The following ATG16L1 variants were observed in gnomAD, a reference collection of about 807,000 sequenced individuals.
ATG16L1 encodes autophagy related 16 like 1, also known as autophagy-related protein 16-1.
Under a neutral mutation model 88.5 loss-of-function variants are expected in ATG16L1, and 37 were observed. The observed-to-expected ratio is 0.42, with a 90% CI of 0.32 to 0.55. ATG16L1 has a LOEUF of 0.55. ATG16L1 is among the 20% of genes least tolerant of loss of function. ATG16L1 has a pLI of 0.13. For synonymous variants in ATG16L1, 301 were observed against 281.0 expected (o/e 1.07, Z -0.71); for missense variants, 554 against 752.8 (o/e 0.74, Z 3.09).
chr2:233,265,247 C>T, intron 5 of ATG16L1, 104 bp downstream of exon 5: 1 of 1,412,692 alleles, frequency 7.1e-7, no homozygotes, highest in Non-Finnish European at 9.6e-7. Context: ...GGAGGTTTAC[C>T]AGGGAATTCT....
intron 12 of ATG16L1, among the ~76,000 whole-genome samples, chr2:233,284,446 C>G (rs1045788596): frequency 6.6e-6 from 1 of 152,228 alleles, no homozygotes; most frequent in African/African-American, 2.4e-5. Flanking sequence ...AGTCTCCTGC[C>G]TCAGCCTCCT....
rs1199120233 is a variant in ATG16L1 at position 233,251,698 on chromosome 2, C to G, written c.-130C>G. ...AGACCGTCCCGGATGGCCTCGGGGA[C>G]TGCCAGTGTGTGGAGGTGAGCTCCG... is the stretch of plus-strand genomic sequence containing the variant. On this transcript the variant is annotated 5_prime_UTR_variant, in exon 1 of 18. Transcript: ENST00000392017. 4 of 779,418 alleles carry G rather than the reference C, an allele frequency of 5.1e-6. No individual in the cohort carries two copies. Among genetic ancestry groups the G allele is most frequent in the Non-Finnish European group, 8.5e-6 (4 of 472,114 alleles). 48.3% of individuals were successfully genotyped at this position (779,418 alleles called of 1,614,324 possible).
At position 233,289,967 on chromosome 2, in the gene ATG16L1, C is replaced by T; in HGVS notation, c.1317C>T (p.Ser439=). 2.5e-6 allele frequency: 4 copies of T among 1,613,770 alleles called. No homozygotes were observed. Among genetic ancestry groups the T allele is most frequent in the Non-Finnish European group, 3.4e-6 (4 of 1,179,672 alleles). Residue 439 remains serine, a synonymous_variant, in exon 13 of 18, where the codon AGC becomes AGT. Coordinates refer to ENST00000392017, the MANE Select transcript of ATG16L1 (RefSeq NM_030803.7). The part of the protein sequence containing the change: ...DRTLKLWDLR[S]KVCIKTVFAG... The stretch of plus-strand genomic sequence containing the variant: ...CTCTCAAACTCTGGGATCTACGCAG[C>T]AAAGTCTGTGAGGAAATTCAGTCTC...
intron 10 of ATG16L1, 105 bp from the exon 11 acceptor site, chr2:233,281,000 G>C: frequency 1.5e-6 from 1 of 668,332 alleles, no homozygotes; most frequent in Admixed American, 3.2e-5. Flanking sequence ...GATAGCTATT[G>C]TTTTAGCAGT....
intron 10 of ATG16L1, among the ~76,000 whole-genome samples, chr2:233,280,526 A>G (rs1055089613): frequency 3.3e-5 from 5 of 152,166 alleles, no homozygotes; most frequent in Admixed American, 6.5e-5. Context: ...AGATTCATGG[A>G]GATAAAGTAT....
chr2:233,282,612 A>G (rs1698792398), intron 11 of ATG16L1, 70 bp from the exon 12 acceptor site: 1 of 1,351,516 alleles, frequency 7.4e-7, no homozygotes, highest in Admixed American at 1.7e-5. Flanking sequence ...TTATTGGGGA[A>G]TTTATATCGT....
intron 5 of ATG16L1, among the ~76,000 whole-genome samples, chr2:233,268,050 T>G (rs1191515894): frequency 6.6e-6 from 1 of 152,208 alleles, no homozygotes; most frequent in Non-Finnish European, 1.5e-5. Flanking sequence ...CAGGCAGCTG[T>G]GGTTTACCTG....
intron 1 of ATG16L1, among the ~76,000 whole-genome samples, chr2:233,252,463 G>A (rs1234666515): frequency 6.6e-6 from 1 of 152,040 alleles, no homozygotes; most frequent in African/African-American, 2.4e-5. Context: ...GCTCACTGCA[G>A]TCTCAAACTC....
chr2:233,252,031 T>A, intron 1 of ATG16L1, 89 bp downstream of exon 1: 1 of 1,156,712 alleles, frequency 8.6e-7, no homozygotes, highest in Non-Finnish European at 1.1e-6. Flanking sequence ...GCCGAGTCCC[T>A]GGCGCCGCCC....
At position 233,251,727 on chromosome 2, in the gene ATG16L1, T is replaced by A; in HGVS notation, c.-101T>A. The A allele has an allele frequency of 1.9e-6, 2 of 1,048,456 alleles. No individual in the cohort carries two copies. Among genetic ancestry groups the A allele is most frequent in the South Asian group, 1.4e-5 (1 of 73,518 alleles). 64.9% of individuals were successfully genotyped at this position (1,048,456 alleles called of 1,614,324 possible). A position where few individuals can be genotyped will look rare whatever the true frequency, so the allele number is the denominator to read the frequency against. ...CAGTGTGTGGAGGTGAGCTCCGGGA[T>A]TGCCGGCATTCCCGCTTCTGCTGGT... On this transcript the variant is annotated 5_prime_UTR_variant, in exon 1 of 18. It adds an upstream start codon to the 5' untranslated region. Coordinates refer to ENST00000392017, the MANE Select transcript of ATG16L1 (RefSeq NM_030803.7).
chr2:233,256,091 T>A lies in ATG16L1; in HGVS notation c.116-11T>A, dbSNP rs1167737577. ...TAAATAACTTAGTTTCTGACTTTTTTATTTTAATAGATAACAAATTGCTGG... is the reference window on the plus strand; with the variant it reads ...TAAATAACTTAGTTTCTGACTTTTTAATTTTAATAGATAACAAATTGCTGG... On this transcript the variant is annotated splice_polypyrimidine_tract_variant and intron_variant, in intron 1 of 17. Transcript: ENST00000392017. 2 of 1,609,992 alleles carry A rather than the reference T, an allele frequency of 1.2e-6. No individual in the cohort carries two copies. Among genetic ancestry groups the A allele is most frequent in the Admixed American group, 1.7e-5 (1 of 59,992 alleles).
intron 1 of ATG16L1, among the ~76,000 whole-genome samples, chr2:233,253,395 A>AGTGCAAGT (rs1260366883): frequency 8.4e-6 from 1 of 118,422 alleles, no homozygotes; most frequent in Non-Finnish European, 1.6e-5. Flanking sequence ...CCTAGGCTGG[A>AGTGCAAGT]GTGCAAGTGG....
rs374632257 is a variant in ATG16L1 at position 233,294,384 on chromosome 2, C to G, written c.*34C>G. ...TCAGGGCTGGGAGGACCCCAGTGCC[C>G]TCCTCAGAAGAAGCACATGGGCTCC... On this transcript the variant is annotated 3_prime_UTR_variant, in exon 18 of 18. Coordinates refer to ENST00000392017, the MANE Select transcript of ATG16L1 (RefSeq NM_030803.7). 1.9e-6 allele frequency: 3 copies of G among 1,571,638 alleles called. No homozygotes were observed. The highest frequency in any genetic ancestry group is 2.6e-6 in the Non-Finnish European group (3 of 1,144,504).
chr2:233,251,735 A>G lies in ATG16L1; in HGVS notation c.-93A>G, dbSNP rs920778859. ...GGAGGTGAGCTCCGGGATTGCCGGC[A>G]TTCCCGCTTCTGCTGGTTGCTTCAT... On this transcript the variant is annotated 5_prime_UTR_variant, in exon 1 of 18. Coordinates refer to ENST00000392017, the MANE Select transcript of ATG16L1 (RefSeq NM_030803.7). The G allele has an allele frequency of 2.1e-5, 25 of 1,190,048 alleles. No homozygotes were observed. Among genetic ancestry groups the G allele is most frequent in the Non-Finnish European group, 2.7e-5 (22 of 828,446 alleles). 73.7% of individuals were successfully genotyped at this position (1,190,048 alleles called of 1,614,324 possible).
rs1574870573 is a variant in ATG16L1, at chr2:233,273,721, T to A, written c.795T>A (p.Thr265=). ...AAACCTATCCTCCCCTCCTCTTTAG[T>A]AAGCGACTCTCGCAGCCTGCTGGAG... ...SPVRAISRAA[T]KRLSQPAGGL... Residue 265 remains threonine (T), a splice_region_variant and synonymous_variant, in exon 8 of 18, where the codon ACT becomes ACA. Transcript: ENST00000392017. 1.2e-6 allele frequency: 2 copies of A among 1,614,172 alleles called. No individual in the cohort carries two copies. The highest frequency in any genetic ancestry group is 4.5e-5 in the East Asian group (2 of 44,890).
At chr2:233,287,776 G>A (rs1699183048) in intron 12 of ATG16L1, among the ~76,000 whole-genome samples, 2 of 152,336 alleles carry the variant, frequency 1.3e-5, no homozygotes, top group African/African-American at 4.8e-5. Flanking sequence ...TACTCAGGAG[G>A]CTGAGGCAGG....
At chr2:233,274,277 G>A in intron 8 of ATG16L1, 1 of 522,108 alleles carries the variant, frequency 1.9e-6, no homozygotes, top group Non-Finnish European at 3.4e-6. Context: ...TTGATCACAA[G>A]TGATGAGGTT....
At chr2:233,259,480 G>A (rs746477599) in intron 2 of ATG16L1, among the ~76,000 whole-genome samples, 3 of 152,162 alleles carry the variant, frequency 2.0e-5, no homozygotes, top group Non-Finnish European at 4.4e-5. Context: ...ATTGTAGTGA[G>A]CCACAGTCAG....
intron 5 of ATG16L1, among the ~76,000 whole-genome samples, chr2:233,268,844 A>G (rs906875291): frequency 3.9e-5 from 6 of 152,228 alleles, no homozygotes; most frequent in Non-Finnish European, 8.8e-5. Context: ...TATACTGCCT[A>G]GAGGACTTTC....
Sources: gnomAD v4.1 joint callset for allele counts (sites outside exome capture counted in the v4.1 genomes callset) on GRCh38, gnomAD v4.1.1 for gene constraint, MANE v1.5 for transcripts, NCBI Gene and HGNC (gene_info 2026-07-23, HGNC 2026-07-21) for gene names.